The following PCDHGA11 variants were observed in gnomAD, a reference collection of about 807,000 sequenced individuals.
PCDHGA11 encodes protocadherin gamma subfamily A, 11.
Under a neutral mutation model 60.4 loss-of-function variants are expected in PCDHGA11, and 39 were observed. That is an observed-to-expected ratio of 0.65 (90% CI 0.50 to 0.84). PCDHGA11 has a LOEUF of 0.84. Among genes scored for constraint, PCDHGA11 ranks in the 40% least tolerant of loss-of-function variants. The pLI, the probability that PCDHGA11 is intolerant of heterozygous loss-of-function variation, is 0.00. For synonymous variants in PCDHGA11, 533 were observed against 510.3 expected, an observed-to-expected ratio of 1.04 and a Z score of -0.60; for missense variants, 1,165 against 1,197.7, an observed-to-expected ratio of 0.97 and a Z score of 0.40.
intron 1 of PCDHGA11, chr5:141,479,417 T>A (rs2099495481): frequency 6.6e-6 from 1 of 152,210 alleles, no homozygotes; most frequent in Non-Finnish European, 1.5e-5. Context: ...ACTATGCTGA[T>A]CAATTGATCA....
intron 1 of PCDHGA11, among the ~76,000 whole-genome samples, chr5:141,464,440 T>C (rs566597587): frequency 6.6e-6 from 1 of 151,608 alleles, no homozygotes; most frequent in South Asian, 2.1e-4. Context: ...TATATGTTTG[T>C]TGTTGTTGTT....
Position 141,491,030 on chromosome 5 carries a change from C to T in PCDHGA11, c.2434-3777C>T. ...GTCACCAAGGTGACAGCCGTGGATG[C>T]TGATGCAGGCCACAATGCGTGGCTC... On this transcript the variant is annotated intron_variant, in intron 1 of 3. Transcript: ENST00000398587. The surrounding 1 kb of genome is among the most constrained non-coding windows in gnomAD (Gnocchi z 6.9). 6.2e-7 allele frequency: 1 copy of T among 1,614,148 alleles called. No individual in the cohort carries two copies. Among genetic ancestry groups the T allele is most frequent in the South Asian group, 1.1e-5 (1 of 91,088 alleles).
At chr5:141,452,251 ACT>A (rs899414988) in intron 1 of PCDHGA11, among the ~76,000 whole-genome samples, 29 of 152,204 alleles carry the variant, frequency 1.9e-4, no homozygotes, top group African/African-American at 6.7e-4. Flanking sequence ...TTTTGCCATA[ACT>A]CTCTCATTTT....
In PCDHGA11 at chr5:141,421,468, C is replaced by G; in HGVS notation, c.241C>G (p.Arg81Gly). ...GACACAGCTTTTCGCTGTGAATCCGCGAAGCGGCAGCTTGATCACGGCAGG... is the reference window on the plus strand; with the variant it reads ...GACACAGCTTTTCGCTGTGAATCCGGGAAGCGGCAGCTTGATCACGGCAGG... ...GKTQLFAVNP[R>G]SGSLITAGRI... The change falls in exon 1 of 4, where the codon CGA becomes GGA. Residue 81 changes from arginine to glycine, a missense_variant. Physicochemically the swap from Arg to Gly is moderately radical, Grantham distance 125. Coordinates refer to ENST00000398587, the MANE Select transcript of PCDHGA11 (RefSeq NM_018914.3). 1.2e-6 allele frequency: 2 copies of G among 1,614,096 alleles called. No homozygotes were observed. Among genetic ancestry groups the G allele is most frequent in the Non-Finnish European group, 1.7e-6 (2 of 1,179,950 alleles).
chr5:141,436,120 TC>T (rs2154556955), intron 1 of PCDHGA11, among the ~76,000 whole-genome samples: 1 of 152,344 alleles, frequency 6.6e-6, no homozygotes, highest in South Asian at 2.1e-4. Context: ...GAAACCTCTC[TC>T]CTCCATCATC....
In PCDHGA11 at chr5:141,477,813, A is replaced by T; in HGVS notation, c.2434-16994A>T. ...ACTGATCGCAATGACAATGCCCCCC[A>T]GGTCCTATATCCTCGGCCAGGTGGG... On this transcript the variant is annotated intron_variant, in intron 1 of 3. Coordinates refer to ENST00000398587, the MANE Select transcript of PCDHGA11 (RefSeq NM_018914.3). The surrounding 1 kb of genome is among the most constrained non-coding windows in gnomAD (Gnocchi z 4.9). The T allele has an allele frequency of 6.2e-7, 1 of 1,614,122 alleles. No homozygotes were observed. The highest frequency in any genetic ancestry group is 1.1e-5 in the South Asian group (1 of 91,084).
chr5:141,435,260 T>C (rs1591368331), intron 1 of PCDHGA11, among the ~76,000 whole-genome samples: 1 of 152,236 alleles, frequency 6.6e-6, no homozygotes, highest in African/African-American at 2.4e-5. Context: ...TAGGGATATG[T>C]CCATTTATAC....
chr5:141,476,142 G>T lies in PCDHGA11; in HGVS notation c.2434-18665G>T. 6.2e-7 allele frequency: 1 copy of T among 1,610,446 alleles called. No individual in the cohort carries two copies. Among genetic ancestry groups the T allele is most frequent in the South Asian group, 1.1e-5 (1 of 90,868 alleles). On this transcript the variant is annotated intron_variant, in intron 1 of 3. Coordinates refer to ENST00000398587, the MANE Select transcript of PCDHGA11 (RefSeq NM_018914.3). The surrounding 1 kb of genome is among the most constrained non-coding windows in gnomAD (Gnocchi z 7.6). Reference sequence around the variant, plus strand: ...ATGGTCCCAGAGGCCTGGAGGAGCGGACTGGTAAGCACCGGGAGGGTAGTG... The same window carrying T: ...ATGGTCCCAGAGGCCTGGAGGAGCGTACTGGTAAGCACCGGGAGGGTAGTG...
At chr5:141,443,113 T>C (rs2098364390) in intron 1 of PCDHGA11, among the ~76,000 whole-genome samples, 1 of 152,040 alleles carries the variant, frequency 6.6e-6, no homozygotes, top group African/African-American at 2.4e-5. Flanking sequence ...ACCTTGCTTT[T>C]CAAACCAGAT....
intron 1 of PCDHGA11, among the ~76,000 whole-genome samples, chr5:141,437,457 T>C (rs527469937): frequency 7.2e-5 from 11 of 152,358 alleles, no homozygotes; most frequent in Non-Finnish European, 1.5e-4. Flanking sequence ...GAGGAGACTA[T>C]ACTATACTTT....
Position 141,491,732 on chromosome 5 carries a change from C to G in PCDHGA11, c.2434-3075C>G. ...GGCTCGGCGCCGCCCCGGGCGACCC[C>G]TGGGGGCGGCACTGGAGAAGCCGCC... On this transcript the variant is annotated intron_variant, in intron 1 of 3. Coordinates refer to ENST00000398587, the MANE Select transcript of PCDHGA11 (RefSeq NM_018914.3). This position sits in a 1 kb window ranked among gnomAD's most constrained non-coding sequence, Gnocchi z 6.9. The G allele has an allele frequency of 1.2e-6, 2 of 1,602,752 alleles. No individual in the cohort carries two copies. Among genetic ancestry groups the G allele is most frequent in the Non-Finnish European group, 1.7e-6 (2 of 1,175,308 alleles).
chr5:141,497,003 A>C (rs928317358), intron 2 of PCDHGA11, among the ~76,000 whole-genome samples: 2 of 152,148 alleles, frequency 1.3e-5, no homozygotes, highest in African/African-American at 4.8e-5. Context: ...CTGGCAGCCA[A>C]CATGGTGAAA....
At position 141,423,222 on chromosome 5, in the gene PCDHGA11, G is replaced by A. The variant is rs760308436; in HGVS notation, c.1995G>A (p.Val665=). 2 of 1,613,688 alleles carry A rather than the reference G, an allele frequency of 1.2e-6. No homozygotes were observed. Among genetic ancestry groups the A allele is most frequent in the Non-Finnish European group, 1.7e-6 (2 of 1,180,042 alleles). ...CCACCGTCACGCTCACCGTGGCTGTGGCCGACAGCATCCCCGAAGTCCTGG... is the reference window on the plus strand; with the variant it reads ...CCACCGTCACGCTCACCGTGGCTGTAGCCGACAGCATCCCCGAAGTCCTGG... The part of the protein sequence containing the change: ...LSATVTLTVA[V]ADSIPEVLAD... Residue 665 remains valine (V), a synonymous_variant, in exon 1 of 4, where the codon GTG becomes GTA. Transcript: ENST00000398587.
At chr5:141,495,800 C>T (rs1351461035) in intron 2 of PCDHGA11, among the ~76,000 whole-genome samples, 5 of 152,134 alleles carry the variant, frequency 3.3e-5, no homozygotes, top group Non-Finnish European at 7.3e-5. Context: ...CTCCTTTCAC[C>T]GTTTCCTAGC....
At chr5:141,433,397 A>G (rs189987785) in intron 1 of PCDHGA11, among the ~76,000 whole-genome samples, 270 of 150,524 alleles carry the variant, frequency 1.8e-3, no homozygotes, top group Non-Finnish European at 3.1e-3. Context: ...CTATCTATCT[A>G]TCTATCTATT....
intron 1 of PCDHGA11, among the ~76,000 whole-genome samples, chr5:141,464,715 T>C (rs1013508667): frequency 2.0e-5 from 3 of 152,090 alleles, no homozygotes; most frequent in Admixed American, 2.0e-4. Flanking sequence ...AAATAGTTTT[T>C]CATATGTTTA....
In PCDHGA11 at chr5:141,485,580, A is replaced by C. The variant is rs761157560; in HGVS notation, c.2434-9227A>C. The C allele has an allele frequency of 6.2e-7, 1 of 1,612,610 alleles. No homozygotes were observed. The highest frequency in any genetic ancestry group is 2.2e-5 in the East Asian group (1 of 44,850). ...GATCACGCCCCCCGTTTTCCGCGGCAGCAGCTGGACTTGGAAATTGGGGAG... is the reference window on the plus strand; with the variant it reads ...GATCACGCCCCCCGTTTTCCGCGGCCGCAGCTGGACTTGGAAATTGGGGAG... On this transcript the variant is annotated intron_variant, in intron 1 of 3. Transcript: ENST00000398587. The surrounding 1 kb of genome is among the most constrained non-coding windows in gnomAD (Gnocchi z 5.7).
rs1562065751 is a variant in PCDHGA11, at chr5:141,477,907, C to T, written c.2434-16900C>T. The T allele has an allele frequency of 1.9e-6, 3 of 1,614,164 alleles. No homozygotes were observed. The highest frequency in any genetic ancestry group is 2.2e-5 in the East Asian group (1 of 44,872). ...TAGTGTCACGGGTGGTAGGCTGGGA[C>T]GCGGATGCAGGGCACAATGCCTGGC... On this transcript the variant is annotated intron_variant, in intron 1 of 3. Transcript: ENST00000398587. This position sits in a 1 kb window ranked among gnomAD's most constrained non-coding sequence, Gnocchi z 4.9.
rs201273667 is a variant in PCDHGA11, at chr5:141,421,243, C to A, written c.16C>A (p.Gln6Lys). 1 of 1,601,658 alleles carries A rather than the reference C, an allele frequency of 6.2e-7. No individual in the cohort carries two copies. The change falls in exon 1 of 4, where the codon CAG becomes AAG. Residue 6 changes from glutamine (Q) to lysine (K), a missense_variant. Transcript: ENST00000398587. Reference sequence around the variant, plus strand: ...AGAGCCTGCCATGGCGAATCGGCTACAGCGCGGGGACCGCAGTCGGCTGCT... The same window carrying A: ...AGAGCCTGCCATGGCGAATCGGCTAAAGCGCGGGGACCGCAGTCGGCTGCT... MANRLQRGDRSRLLLL... is the reference protein window; with the variant it reads MANRLKRGDRSRLLLL...
Sources: allele counts gnomAD v4.1 joint callset (sites outside exome capture counted in the v4.1 genomes callset), GRCh38; gene constraint gnomAD v4.1.1; non-coding constraint Gnocchi (gnomAD v3.1); transcripts MANE v1.5; gene names NCBI Gene and HGNC (gene_info 2026-07-23, HGNC 2026-07-21).